The following CDKAL1 variants were observed in gnomAD, a reference collection of about 807,000 sequenced individuals.
The protein encoded by CDKAL1 is CDKAL1 threonylcarbamoyladenosine tRNA methylthiotransferase.
CDKAL1 carries 32 observed loss-of-function variants against 68.2 expected under a neutral mutation model. The observed-to-expected ratio is 0.47, with a 90% confidence interval of 0.35 to 0.63. The LOEUF is 0.63. Among genes scored for constraint, CDKAL1 ranks in the 30% least tolerant of loss-of-function variants. The pLI, the probability that CDKAL1 is intolerant of heterozygous loss-of-function variation, is 0.00. For missense variants in CDKAL1, 606 were observed against 696.7 expected, an observed-to-expected ratio of 0.87 and a Z score of 1.47; for synonymous variants, 234 against 244.3, an observed-to-expected ratio of 0.96 and a Z score of 0.39.
At chr6:21,095,133 A>C (rs1300268151) in intron 12 of CDKAL1, among the ~76,000 whole-genome samples, 2 of 152,202 alleles carry the variant, frequency 1.3e-5, no homozygotes, top group African/African-American at 2.4e-5. Flanking sequence ...AGAAAGGTGG[A>C]GATAAGGTTG....
intron 9 of CDKAL1, among the ~76,000 whole-genome samples, chr6:20,900,664 G>A (rs767198280): frequency 5.9e-5 from 9 of 152,212 alleles, no homozygotes; most frequent in Non-Finnish European, 1.2e-4. Context: ...CACCTGTGCA[G>A]TAGTCATTTC....
At chr6:20,806,573 T>A (rs1776582497) in intron 8 of CDKAL1, among the ~76,000 whole-genome samples, 2 of 152,206 alleles carry the variant, frequency 1.3e-5, no homozygotes, top group Admixed American at 1.3e-4. Flanking sequence ...ATGAGTGAGC[T>A]GATTTAATTC....
intron 12 of CDKAL1, among the ~76,000 whole-genome samples, chr6:21,083,772 CT>C (rs1772547425): frequency 6.6e-6 from 1 of 152,100 alleles, no homozygotes; most frequent in Non-Finnish European, 1.5e-5. Flanking sequence ...GTTCCTAAGC[CT>C]TTTTTATCTT....
At chr6:21,054,001 G>T (rs1770690507) in intron 11 of CDKAL1, among the ~76,000 whole-genome samples, 1 of 152,004 alleles carries the variant, frequency 6.6e-6, no homozygotes, top group Non-Finnish European at 1.5e-5. Context: ...TTTCGGTGTT[G>T]GCACTATCGC....
intron 15 of CDKAL1, among the ~76,000 whole-genome samples, chr6:21,205,984 G>A (rs1379115695): frequency 2.7e-4 from 41 of 149,762 alleles, no homozygotes; most frequent in African/African-American, 4.9e-4. Context: ...ACAGGCACCC[G>A]CCACCGCGCC....
chr6:20,825,076 G>A (rs576902970), intron 8 of CDKAL1, among the ~76,000 whole-genome samples: 3 of 152,056 alleles, frequency 2.0e-5, no homozygotes, highest in South Asian at 2.1e-4. Flanking sequence ...GCCAAATCCC[G>A]ACTCCTTGGT....
At chr6:20,612,935 C>T (rs1290115113) in intron 4 of CDKAL1, among the ~76,000 whole-genome samples, 1 of 149,840 alleles carries the variant, frequency 6.7e-6, no homozygotes, top group Admixed American at 6.7e-5. Flanking sequence ...AGACTCCATC[C>T]ATCTGCCGTC....
intron 13 of CDKAL1, among the ~76,000 whole-genome samples, chr6:21,188,931 T>C (rs1582384762): frequency 2.0e-5 from 3 of 152,274 alleles, no homozygotes; most frequent in South Asian, 4.1e-4. Flanking sequence ...GCAGTTTAGG[T>C]AGCACTAGAT....
At chr6:20,580,795 CT>C (rs879302363) in intron 4 of CDKAL1, among the ~76,000 whole-genome samples, 146 of 144,130 alleles carry the variant, frequency 1.0e-3, no homozygotes, top group Non-Finnish European at 9.8e-4. Flanking sequence ...TGGCACTTTA[CT>C]TTTTTTTTTT....
intron 13 of CDKAL1, among the ~76,000 whole-genome samples, chr6:21,190,487 C>G (rs1301836624): frequency 6.6e-6 from 1 of 152,138 alleles, no homozygotes; most frequent in African/African-American, 2.4e-5. Context: ...CCTGCCTCAG[C>G]CTCCCGAGTA....
At chr6:20,981,843 A>G (rs114736266) in intron 10 of CDKAL1, among the ~76,000 whole-genome samples, 229 of 152,302 alleles carry the variant, frequency 1.5e-3, no homozygotes, top group African/African-American at 5.2e-3. Context: ...TGTCTCAAAA[A>G]AGGAAAAGAA....
At chr6:21,202,010 AT>A (rs1303988965) in intron 15 of CDKAL1, among the ~76,000 whole-genome samples, 1 of 152,180 alleles carries the variant, frequency 6.6e-6, no homozygotes, top group African/African-American at 2.4e-5. Flanking sequence ...AATAACTGAT[AT>A]TTATCTGGCC....
In CDKAL1 at chr6:21,157,618, C is replaced by CT. The variant is rs139492399; in HGVS notation, c.1300-40402dup. Among the ~76,000 whole-genome samples, 828 of 152,184 alleles carry CT rather than the reference C, an allele frequency of 5.4e-3. 8 individuals are homozygous for CT. The highest frequency in any genetic ancestry group is 0.019 in the African/African-American group (799 of 41,522). On this transcript the variant is annotated intron_variant, in intron 13 of 15. Transcript: ENST00000274695. ...GAAAATCTTCACGAATGAAAGCAAC[C>CT]TCTTTGTTTGTTCCTCGTCATCCTA...
At chr6:21,076,324 C>T (rs1021880973) in intron 12 of CDKAL1, among the ~76,000 whole-genome samples, 10 of 152,260 alleles carry the variant, frequency 6.6e-5, no homozygotes, top group Admixed American at 6.5e-4. Context: ...GTGACTCTCC[C>T]AAATCTAGCT....
At chr6:20,840,146 A>G (rs1778116350) in intron 8 of CDKAL1, among the ~76,000 whole-genome samples, 4 of 152,206 alleles carry the variant, frequency 2.6e-5, no homozygotes. Flanking sequence ...TTTGAGCCTC[A>G]GTTTCCTCTA....
intron 9 of CDKAL1, among the ~76,000 whole-genome samples, chr6:20,853,347 C>T (rs1759120728): frequency 1.3e-5 from 2 of 150,106 alleles, no homozygotes; most frequent in African/African-American, 4.9e-5. Flanking sequence ...TGCCACTGCA[C>T]TCCAGCCTGG....
chr6:21,062,375 C>T (rs1286369726), intron 11 of CDKAL1, among the ~76,000 whole-genome samples: 1 of 152,174 alleles, frequency 6.6e-6, no homozygotes, highest in Non-Finnish European at 1.5e-5. Flanking sequence ...ATAAAACTAG[C>T]TAGCTGGAAA....
At chr6:21,127,350 A>T (rs573626618) in intron 13 of CDKAL1, among the ~76,000 whole-genome samples, 24 of 152,356 alleles carry the variant, frequency 1.6e-4, no homozygotes, top group Admixed American at 6.5e-4. Flanking sequence ...TCAAAATGTC[A>T]TACATGTCGA....
intron 5 of CDKAL1, among the ~76,000 whole-genome samples, chr6:20,676,434 G>A (rs1172811415): frequency 6.6e-6 from 1 of 152,040 alleles, no homozygotes; most frequent in African/African-American, 2.4e-5. Context: ...TTGGGAGGCC[G>A]ATGCGTGCGG....
Sources: allele counts gnomAD v4.1 joint callset (sites outside exome capture counted in the v4.1 genomes callset), GRCh38; gene constraint gnomAD v4.1.1; transcripts MANE v1.5; gene names NCBI Gene and HGNC (gene_info 2026-07-23, HGNC 2026-07-21).